TENT4B: variants seen among roughly 807,000 people sequenced by gnomAD.
TENT4B encodes the protein terminal nucleotidyltransferase 4B.
In TENT4B, 10 loss-of-function variants were observed where a neutral mutation model predicts 75.0. The observed-to-expected ratio is 0.13, with a 90% CI of 0.08 to 0.23. The LOEUF is 0.23. Among genes scored for constraint, TENT4B ranks in the 10% least tolerant of loss-of-function variants. The pLI is 1.00. For synonymous variants in TENT4B, 350 were observed against 357.7 expected, an observed-to-expected ratio of 0.98 and a Z score of 0.24; for missense variants, 579 against 893.8, an observed-to-expected ratio of 0.65 and a Z score of 4.49.
chr16:50,193,114 C>G (rs866419207), intron 1 of TENT4B, among the ~76,000 whole-genome samples: 15 of 152,084 alleles, frequency 9.9e-5, no homozygotes, highest in African/African-American at 3.6e-4. Context: ...ATACAAAAAT[C>G]AGAGGCTGGA....
chr16:50,156,095 A>C (rs2037894033), intron 1 of TENT4B, among the ~76,000 whole-genome samples: 1 of 152,082 alleles, frequency 6.6e-6, no homozygotes, highest in Non-Finnish European at 1.5e-5. Context: ...TAGGAGAGGA[A>C]TTTTCATTTC....
At chr16:50,184,909 A>G (rs1327334690) in intron 1 of TENT4B, among the ~76,000 whole-genome samples, 2 of 152,104 alleles carry the variant, frequency 1.3e-5, no homozygotes, top group African/African-American at 4.8e-5. Flanking sequence ...TTGGGTCAAT[A>G]TCTAGGAGTA....
Position 50,227,903 on chromosome 16 carries a change from G to T in TENT4B, c.1865G>T (p.Arg622Leu), listed in dbSNP as rs776389427. The change falls in exon 11 of 12, where the codon CGA becomes CTA. Residue 622 changes from arginine to leucine, a missense_variant. By Grantham distance (102) the Arg-to-Leu change is moderately radical. This residue lies in a region of TENT4B where 164 missense variants were observed against 226.5 expected (regional missense o/e 0.72). Transcript: ENST00000561678. ...QLLCRPSTGN[R>L]VGSQDVSLES... ...CTTTGCCGTCCGTCCACTGGGAACC[G>T]AGTAGGGTCGCAAGATGTATCCTTG... 1 of 1,613,882 alleles carries T rather than the reference G, an allele frequency of 6.2e-7. No homozygotes were observed. Among genetic ancestry groups the T allele is most frequent in the Non-Finnish European group, 8.5e-7 (1 of 1,179,904 alleles).
chr16:50,197,037 C>G (rs2030308856), intron 1 of TENT4B, among the ~76,000 whole-genome samples: 1 of 151,094 alleles, frequency 6.6e-6, no homozygotes, highest in Admixed American at 6.6e-5. Context: ...AGCCCAGGAG[C>G]TTGATGCTGC....
intron 1 of TENT4B, among the ~76,000 whole-genome samples, chr16:50,164,062 C>A (rs574016343): frequency 6.6e-6 from 1 of 152,012 alleles, no homozygotes; most frequent in Non-Finnish European, 1.5e-5. Flanking sequence ...GAGGCTGAGG[C>A]AGGAGAATCA....
chr16:50,153,101 C>G, upstream of TENT4B: 1 of 1,280,226 alleles, frequency 7.8e-7, no homozygotes, highest in Non-Finnish European at 1.0e-6. Context: ...CGTCGCGCCG[C>G]GGCCTCTGTG....
chr16:50,167,643 T>C (rs377350572), intron 1 of TENT4B, among the ~76,000 whole-genome samples: 8 of 141,454 alleles, frequency 5.7e-5, no homozygotes, highest in African/African-American at 1.8e-4. Context: ...TGTATTTAGG[T>C]CTTTGATACA....
intron 11 of TENT4B, 76 bp downstream of exon 11, chr16:50,228,079 C>A: frequency 6.6e-7 from 1 of 1,510,258 alleles, no homozygotes; most frequent in Non-Finnish European, 9.0e-7. Flanking sequence ...AAATAATATG[C>A]AGCATGGGTT....
intron 1 of TENT4B, among the ~76,000 whole-genome samples, chr16:50,184,857 T>C (rs964012414): frequency 1.3e-5 from 2 of 152,114 alleles, no homozygotes; most frequent in African/African-American, 4.8e-5. Context: ...CTCCTGAGTA[T>C]CATGCTGCAA....
chr16:50,178,902 AAC>A (rs1005586524), intron 1 of TENT4B, among the ~76,000 whole-genome samples: 2 of 152,196 alleles, frequency 1.3e-5, no homozygotes, highest in African/African-American at 4.8e-5. Context: ...AGGATTGCAC[AAC>A]AGTGTGAATG....
chr16:50,187,333 A>G (rs1020967129), intron 1 of TENT4B, among the ~76,000 whole-genome samples: 2 of 152,220 alleles, frequency 1.3e-5, no homozygotes, highest in African/African-American at 4.8e-5. Flanking sequence ...CTGTAATCCC[A>G]CTACTTGGGG....
intron 1 of TENT4B, among the ~76,000 whole-genome samples, chr16:50,161,496 A>G (rs1306675843): frequency 6.6e-6 from 1 of 152,236 alleles, no homozygotes; most frequent in East Asian, 1.9e-4. Context: ...ATAGTTGTAT[A>G]TATTTAGTGC....
intron 1 of TENT4B, among the ~76,000 whole-genome samples, chr16:50,189,539 A>T (rs2038599273): frequency 6.6e-6 from 1 of 152,168 alleles, no homozygotes; most frequent in South Asian, 2.1e-4. Context: ...TGTCTCTGTG[A>T]GGATATCCCC....
intron 1 of TENT4B, among the ~76,000 whole-genome samples, chr16:50,162,373 A>G (rs1387259910): frequency 4.6e-5 from 7 of 152,206 alleles, no homozygotes; most frequent in African/African-American, 1.4e-4. Flanking sequence ...GTTTTTAGAG[A>G]AACTGCTGAA....
chr16:50,188,516 GA>G (rs2038579086), intron 1 of TENT4B, among the ~76,000 whole-genome samples: 1 of 152,200 alleles, frequency 6.6e-6, no homozygotes, highest in South Asian at 2.1e-4. Context: ...CGATGATCCA[GA>G]ACAGGCTTAT....
At chr16:50,174,864 T>G (rs973492560) in intron 1 of TENT4B, among the ~76,000 whole-genome samples, 1 of 148,260 alleles carries the variant, frequency 6.7e-6, no homozygotes, top group African/African-American at 2.5e-5. Context: ...TGCCTCAGCC[T>G]CCCGAGTAGC....
Position 50,210,529 on chromosome 16 carries a change from G to T in TENT4B, c.639-794G>T, listed in dbSNP as rs185237062. The stretch of plus-strand genomic sequence containing the variant: ...ATCCTTTTGCAACTCAGTGATTCAT[G>T]ACTTTTCCCTGCATCCAGTCTAGTC... On this transcript the variant is annotated intron_variant, in intron 1 of 11. Transcript: ENST00000561678. Among the ~76,000 whole-genome samples the T allele has an allele frequency of 2.6e-5, 4 of 152,324 alleles. No homozygotes were observed. In the East Asian group the frequency reaches 7.7e-4, roughly 29 times the overall value.
At chr16:50,193,747 G>A (rs61586248) in intron 1 of TENT4B, among the ~76,000 whole-genome samples, 2 of 152,172 alleles carry the variant, frequency 1.3e-5, no homozygotes, top group Non-Finnish European at 2.9e-5. Context: ...ATGAGGAGGA[G>A]TAAAGGATTC....
chr16:50,216,487 T>G (rs2031560503), intron 4 of TENT4B, among the ~76,000 whole-genome samples: 1 of 152,210 alleles, frequency 6.6e-6, no homozygotes. Flanking sequence ...TTTTGTTGTA[T>G]TTTTTGTAGA....
Sources: allele counts gnomAD v4.1 joint callset (sites outside exome capture counted in the v4.1 genomes callset), GRCh38; gene constraint gnomAD v4.1.1; regional missense constraint gnomAD v4.1.1; transcripts MANE v1.5; gene names NCBI Gene and HGNC (gene_info 2026-07-23, HGNC 2026-07-21).